Variants in NCKAP5 observed in about 807,000 individuals in gnomAD.
NCKAP5 encodes the protein NCK associated protein 5.
A neutral mutation model predicts 167.0 loss-of-function variants in NCKAP5; 92 were observed. The observed-to-expected ratio is 0.55, with a 90% CI of 0.47 to 0.66. The LOEUF is 0.66. NCKAP5 is among the 30% of genes least tolerant of loss of function. NCKAP5 has a pLI of 0.00. For missense variants in NCKAP5, 2,378 were observed against 2,315.0 expected (o/e 1.03, Z -0.56); for synonymous variants, 891 against 877.4 (o/e 1.02, Z -0.27).
At chr2:132,690,836 C>A (rs925133830) in intron 19 of NCKAP5, among the ~76,000 whole-genome samples, 7 of 152,128 alleles carry the variant, frequency 4.6e-5, no homozygotes, top group African/African-American at 1.7e-4. Context: ...CTAGCAGCAC[C>A]CACTTCTCCC....
intron 6 of NCKAP5, among the ~76,000 whole-genome samples, chr2:133,048,528 T>C (rs2079490235): frequency 6.6e-6 from 1 of 152,212 alleles, no homozygotes; most frequent in African/African-American, 2.4e-5. Context: ...GGATACTTGT[T>C]TGTATCATGT....
chr2:133,354,974 C>T (rs1160357599), intron 3 of NCKAP5, among the ~76,000 whole-genome samples: 1 of 152,138 alleles, frequency 6.6e-6, no homozygotes, highest in Non-Finnish European at 1.5e-5. Flanking sequence ...AAAATATTTA[C>T]ACTTTTTAAC....
intron 4 of NCKAP5, among the ~76,000 whole-genome samples, chr2:133,253,924 C>G (rs780090367): frequency 6.6e-6 from 1 of 152,158 alleles, no homozygotes; most frequent in Non-Finnish European, 1.5e-5. Flanking sequence ...CTTTAAAGAG[C>G]AACCAGGATA....
chr2:132,741,106 C>A (rs1679144774), intron 16 of NCKAP5, among the ~76,000 whole-genome samples: 1 of 152,124 alleles, frequency 6.6e-6, no homozygotes, highest in South Asian at 2.1e-4. Context: ...AATTTATTTT[C>A]ATATACAGCT....
At chr2:133,458,303 A>G (rs974851037) in intron 3 of NCKAP5, among the ~76,000 whole-genome samples, 1 of 152,166 alleles carries the variant, frequency 6.6e-6, no homozygotes, top group African/African-American at 2.4e-5. Flanking sequence ...TCTTTCAACA[A>G]TGAAAGCAAT....
At chr2:133,549,700 G>A (rs1687102979) in intron 2 of NCKAP5, among the ~76,000 whole-genome samples, 3 of 136,502 alleles carry the variant, frequency 2.2e-5, no homozygotes. Context: ...AAAAGCAAGA[G>A]CAAACACATT....
intron 19 of NCKAP5, among the ~76,000 whole-genome samples, chr2:132,698,051 G>A (rs1446123904): frequency 6.6e-6 from 1 of 152,090 alleles, no homozygotes; most frequent in Non-Finnish European, 1.5e-5. Context: ...GCTTACTTCT[G>A]CGCTATTCAC....
chr2:132,965,789 C>G (rs2076642842), intron 7 of NCKAP5, among the ~76,000 whole-genome samples: 1 of 152,054 alleles, frequency 6.6e-6, no homozygotes, highest in South Asian at 2.1e-4. Context: ...GCAACTGTAA[C>G]ACAATGGCAA....
At chr2:133,010,790 C>T (rs1002489997) in intron 6 of NCKAP5, among the ~76,000 whole-genome samples, 5 of 152,086 alleles carry the variant, frequency 3.3e-5, no homozygotes, top group Non-Finnish European at 7.4e-5. Flanking sequence ...TTGTACATTC[C>T]TGATTAATGA....
chr2:132,851,930 A>T (rs1689110719), intron 11 of NCKAP5, among the ~76,000 whole-genome samples: 1 of 152,152 alleles, frequency 6.6e-6, no homozygotes, highest in Non-Finnish European at 1.5e-5. Context: ...AGTTTAGGTT[A>T]CTTAATCTTT....
chr2:133,071,703 T>G (rs111422750), intron 6 of NCKAP5, among the ~76,000 whole-genome samples: 4,772 of 152,306 alleles, frequency 0.031, 253 homozygotes, highest in African/African-American at 0.11. Flanking sequence ...TAAGCCTCTT[T>G]CCAACAATCT....
At chr2:132,910,225 C>T (rs1173255203) in intron 8 of NCKAP5, among the ~76,000 whole-genome samples, 1 of 152,040 alleles carries the variant, frequency 6.6e-6, no homozygotes, top group African/African-American at 2.4e-5. Flanking sequence ...GGTACCCATA[C>T]CCTCAAGCAT....
At chr2:132,741,987 C>T (rs111531958) in intron 16 of NCKAP5, among the ~76,000 whole-genome samples, 158 of 152,180 alleles carry the variant, frequency 1.0e-3, no homozygotes, top group African/African-American at 3.3e-3. Context: ...AGACTCATTA[C>T]ATTCCCAGAT....
chr2:132,961,561 G>T (rs1002895483), intron 8 of NCKAP5, among the ~76,000 whole-genome samples: 3 of 152,048 alleles, frequency 2.0e-5, no homozygotes, highest in Non-Finnish European at 2.9e-5. Context: ...GGTCTTAATG[G>T]CACTTACAGA....
chr2:133,482,866 G>A (rs1376391371), intron 3 of NCKAP5, among the ~76,000 whole-genome samples: 5 of 151,634 alleles, frequency 3.3e-5, no homozygotes, highest in Admixed American at 2.0e-4. Flanking sequence ...CATTGAAATC[G>A]TTGTCTTTTT....
At chr2:133,475,770 A>C (rs985122465) in intron 3 of NCKAP5, among the ~76,000 whole-genome samples, 1 of 152,196 alleles carries the variant, frequency 6.6e-6, no homozygotes, top group Non-Finnish European at 1.5e-5. Context: ...CATTATTTTA[A>C]CCTGTCTTTC....
rs1559154756 is a variant in NCKAP5, at chr2:133,116,360, C to T, written c.341+13618G>A. Among the ~76,000 whole-genome samples the T allele has an allele frequency of 3.2e-5, 4 of 123,890 alleles. 1 individual carries two copies. The highest frequency in any genetic ancestry group is 5.2e-4 in the South Asian group (2 of 3,828). The allele number at this position is 123,890 out of a possible 152,430, so 81.3% of individuals were successfully genotyped here. On this transcript the variant is annotated intron_variant, in intron 6 of 19. Transcript: ENST00000409261. ...AAAATTAGCCGGGCGTGGTGGCGGG[C>T]GCCTGTAGTCCCAGCTACTCGGGAG...
At chr2:132,997,833 C>T (rs1455531034) in intron 6 of NCKAP5, among the ~76,000 whole-genome samples, 1 of 151,718 alleles carries the variant, frequency 6.6e-6, no homozygotes, top group East Asian at 1.9e-4. Context: ...AAAGAAGTCA[C>T]AAATTCTGAA....
At chr2:133,444,669 C>T (rs1305583655) in intron 3 of NCKAP5, among the ~76,000 whole-genome samples, 1 of 152,146 alleles carries the variant, frequency 6.6e-6, no homozygotes, top group Non-Finnish European at 1.5e-5. Context: ...CAGGGATTTG[C>T]CAGAGTTCTG....
Sources: gnomAD v4.1 joint callset for allele counts (sites outside exome capture counted in the v4.1 genomes callset) on GRCh38, gnomAD v4.1.1 for gene constraint, MANE v1.5 for transcripts, NCBI Gene and HGNC (gene_info 2026-07-23, HGNC 2026-07-21) for gene names.